RARB: variants seen among roughly 807,000 people sequenced by gnomAD.
The protein encoded by RARB is HBV-activated protein.
Under a neutral mutation model 51.9 loss-of-function variants are expected in RARB, and 17 were observed. The observed-to-expected ratio is 0.33, with a 90% CI of 0.22 to 0.49. The LOEUF (loss-of-function observed/expected upper bound fraction) is 0.49. RARB is among the 20% of genes least tolerant of loss of function. RARB has a pLI of 0.99. For synonymous variants in RARB, 215 were observed against 195.4 expected, an observed-to-expected ratio of 1.10 and a Z score of -0.84; for missense variants, 369 against 550.8, an observed-to-expected ratio of 0.67 and a Z score of 3.30.
intron 3 of RARB, among the ~76,000 whole-genome samples, chr3:25,114,754 C>G (rs1454148543): frequency 6.6e-6 from 1 of 152,192 alleles, no homozygotes; most frequent in African/African-American, 2.4e-5. Flanking sequence ...GTTGACACCT[C>G]TGGCAAGATC....
Position 25,198,965 on chromosome 3 carries a change from C to A in RARB, c.178+24390C>A, listed in dbSNP as rs548514732. On this transcript the variant is annotated intron_variant, in intron 5 of 11. Coordinates refer to the RARB transcript ENST00000383772. ...GGTATATACCCCCAAAAAAGGAAAT[C>A]GGTATATTGAAGAGATATCTGCATT... 6.6e-5 allele frequency among the ~76,000 whole-genome samples: 10 copies of A among 152,124 alleles called. No individual in the cohort carries two copies. The South Asian group carries it at 2.1e-3, about 32-fold the overall frequency.
intron 3 of RARB, among the ~76,000 whole-genome samples, chr3:25,066,170 C>G (rs1268756571): frequency 3.3e-5 from 5 of 152,150 alleles, no homozygotes; most frequent in African/African-American, 9.7e-5. Context: ...TTTTTCAAGG[C>G]TGTCAGATCA....
chr3:25,471,415 CT>C (rs1483992142), intron 2 of RARB, among the ~76,000 whole-genome samples: 1 of 152,176 alleles, frequency 6.6e-6, no homozygotes, highest in Non-Finnish European at 1.5e-5. Context: ...GACAATCTAC[CT>C]TTTCCTAGTA....
intron 5 of RARB, among the ~76,000 whole-genome samples, chr3:25,204,830 C>A (rs547655916): frequency 1.3e-5 from 2 of 152,318 alleles, no homozygotes; most frequent in African/African-American, 4.8e-5. Flanking sequence ...TGTCAGTCTG[C>A]CCCTACTTGG....
intron 5 of RARB, among the ~76,000 whole-genome samples, chr3:25,275,506 C>G (rs1703359481): frequency 6.6e-6 from 1 of 152,206 alleles, no homozygotes; most frequent in African/African-American, 2.4e-5. Flanking sequence ...ACCTGGCTTA[C>G]TGCCTGCACC....
rs534249859 is a variant in RARB, at chr3:25,087,892, TTC to T, written c.-328+27718_-328+27719del. 4.8e-3 allele frequency among the ~76,000 whole-genome samples: 734 copies of T among 152,080 alleles called. 2 individuals carry two copies. The highest frequency in any genetic ancestry group is 0.012 in the Admixed American group (178 of 15,242). ...TTGTTTCCCCAAAAGTCAATATTTT[TTC>T]TGTTTCTTTTTTTAAAATAGATTTT... On this transcript the variant is annotated intron_variant, in intron 3 of 11. Transcript: ENST00000383772.
intron 2 of RARB, among the ~76,000 whole-genome samples, chr3:24,977,628 G>C (rs1238767061): frequency 6.6e-6 from 1 of 152,108 alleles, no homozygotes; most frequent in East Asian, 1.9e-4. Context: ...CTGAGATTTT[G>C]CTTATCAGCT....
intron 7 of RARB, among the ~76,000 whole-genome samples, chr3:25,596,168 AAT>A (rs1193550181): frequency 1.3e-5 from 2 of 152,238 alleles, no homozygotes; most frequent in African/African-American, 4.8e-5. Flanking sequence ...CTAACTTTGC[AAT>A]AAACTAACAC....
chr3:25,116,543 CT>C (rs777066845), intron 3 of RARB, among the ~76,000 whole-genome samples: 1 of 151,972 alleles, frequency 6.6e-6, no homozygotes, highest in South Asian at 2.1e-4. Context: ...ATGATGCTGT[CT>C]TTTTTTATGA....
chr3:25,235,699 G>C (rs1702286056), intron 5 of RARB, among the ~76,000 whole-genome samples: 1 of 152,216 alleles, frequency 6.6e-6, no homozygotes, highest in Non-Finnish European at 1.5e-5. Flanking sequence ...CAGGGTAATA[G>C]GGCAGAATGA....
intron 2 of RARB, among the ~76,000 whole-genome samples, chr3:24,922,834 A>G (rs1282195973): frequency 6.6e-6 from 1 of 152,172 alleles, no homozygotes; most frequent in African/African-American, 2.4e-5. Context: ...CTCTGAAAAA[A>G]GTGGGGAGGG....
chr3:25,143,977 C>A (rs531041552), intron 4 of RARB, among the ~76,000 whole-genome samples: 1 of 152,248 alleles, frequency 6.6e-6, no homozygotes, highest in African/African-American at 2.4e-5. Flanking sequence ...CAACCCAGTT[C>A]ACTTTCTATG....
chr3:25,205,893 G>C (rs1413430313), intron 5 of RARB, among the ~76,000 whole-genome samples: 1 of 151,964 alleles, frequency 6.6e-6, no homozygotes, highest in Non-Finnish European at 1.5e-5. Flanking sequence ...ACAGGCATGA[G>C]CCATCATGCC....
chr3:24,944,846 A>G (rs56369650), intron 2 of RARB, among the ~76,000 whole-genome samples: 28,447 of 152,216 alleles, frequency 0.19, 3,383 homozygotes, highest in East Asian at 0.34. Context: ...ATAGAACATT[A>G]TTCAGGGAGG....
intron 2 of RARB, among the ~76,000 whole-genome samples, chr3:25,017,545 C>T (rs887618585): frequency 6.6e-6 from 1 of 152,158 alleles, no homozygotes; most frequent in African/African-American, 2.4e-5. Flanking sequence ...CACCTAATAA[C>T]TATCTTAACT....
At chr3:25,457,253 T>G (rs182887438) in intron 1 of RARB, among the ~76,000 whole-genome samples, 43 of 152,252 alleles carry the variant, frequency 2.8e-4, no homozygotes, top group East Asian at 5.8e-4. Flanking sequence ...GTTGGTTTAT[T>G]CTCTATTAGG....
intron 2 of RARB, among the ~76,000 whole-genome samples, chr3:24,870,068 G>A (rs567767834): frequency 6.6e-6 from 1 of 151,932 alleles, no homozygotes; most frequent in Non-Finnish European, 1.5e-5. Flanking sequence ...ATATTTTTCT[G>A]TTGATTTCTA....
intron 2 of RARB, among the ~76,000 whole-genome samples, chr3:25,036,215 C>G (rs1697990432): frequency 6.6e-6 from 1 of 152,094 alleles, no homozygotes; most frequent in Admixed American, 6.5e-5. Context: ...AAACAAGAAC[C>G]TCCTTGCGGC....
At chr3:24,995,334 T>C (rs745419901) in intron 2 of RARB, among the ~76,000 whole-genome samples, 2 of 152,234 alleles carry the variant, frequency 1.3e-5, no homozygotes, top group Non-Finnish European at 2.9e-5. Context: ...GTGTTCATTT[T>C]GCATTCTGCA....
Sources: gnomAD v4.1 joint callset for allele counts (sites outside exome capture counted in the v4.1 genomes callset) on GRCh38, gnomAD v4.1.1 for gene constraint, MANE v1.5 for transcripts, NCBI Gene and HGNC (gene_info 2026-07-23, HGNC 2026-07-21) for gene names.